The following RBSN variants were observed in gnomAD, a reference collection of about 807,000 sequenced individuals.
RBSN encodes the protein rabenosyn, RAB effector, also known as rabenosyn-5.
A neutral mutation model predicts 60.5 loss-of-function variants in RBSN; 34 were observed. The observed-to-expected ratio is 0.56, with a 90% CI of 0.43 to 0.75. The LOEUF (loss-of-function observed/expected upper bound fraction) is 0.75. Among genes scored for constraint, RBSN ranks in the 30% least tolerant of loss-of-function variants. The probability of loss-of-function intolerance (pLI) is 0.00; values close to 1 mark genes in which losing one functional copy is unlikely to be tolerated. For synonymous variants in RBSN, 322 were observed against 366.9 expected (o/e 0.88, Z 1.40); for missense variants, 845 against 986.8 (o/e 0.86, Z 1.92).
Position 15,077,264 on chromosome 3 carries a change from A to T in RBSN, c.999-100T>A, listed in dbSNP as rs564783830. On this transcript the variant is annotated intron_variant, in intron 11 of 13. Transcript: ENST00000253699. The surrounding 1 kb of genome is among the most constrained non-coding windows in gnomAD (Gnocchi z 4.4). The stretch of plus-strand genomic sequence containing the variant: ...GAGTTGCCAGGCTTTCATGCCAGGA[A>T]GGTGTGTAAAGATGGACAAGTGACT... The T allele has an allele frequency of 1.3e-4, 132 of 998,114 alleles. No individual in the cohort carries two copies. The highest frequency in any genetic ancestry group is 6.3e-4 in the Middle Eastern group (3 of 4,756). The allele number at this position is 998,114 out of a possible 1,614,324, so 61.8% of individuals were successfully genotyped here.
rs1012715350 is a variant in RBSN at position 15,071,449 on chromosome 3, G to A, written c.*2333C>T. 1 of 152,180 alleles carries A rather than the reference G, an allele frequency of 6.6e-6. No individual in the cohort carries two copies. The highest frequency in any genetic ancestry group is 1.5e-5 in the Non-Finnish European group (1 of 68,034). The allele number at this position is 152,180 out of a possible 1,614,324, so 9.4% of individuals were successfully genotyped here. ...GTCATGGGCCTCAGGGAAGAAAAGA[G>A]GCCTGTACCAGGCAACATCTTAGAT... On this transcript the variant is annotated 3_prime_UTR_variant, in exon 14 of 14. Transcript: ENST00000253699.
chr3:15,078,125 A>G lies in RBSN; in HGVS notation c.948T>C (p.Ser316=), dbSNP rs2043099768. ...CTTTCTGCACTTCCACTCGAAGGTC[A>G]CTGGCATGTTCCAGACTGTAGGTTG... ...GETTYSLEHA[S]DLRVEVQKVY... Residue 316 remains serine, a synonymous_variant, in exon 11 of 14, where the codon AGT becomes AGC. Coordinates refer to ENST00000253699, the MANE Select transcript of RBSN (RefSeq NM_022340.4). 1 of 1,614,184 alleles carries G rather than the reference A, an allele frequency of 6.2e-7. No homozygotes were observed. The highest frequency in any genetic ancestry group is 1.7e-5 in the Admixed American group (1 of 60,030).
At position 15,074,966 on chromosome 3, in the gene RBSN, A is replaced by G. The variant is rs2043017996; in HGVS notation, c.1207-36T>C. 7.0e-6 allele frequency: 11 copies of G among 1,566,514 alleles called. No individual in the cohort carries two copies. Among genetic ancestry groups the G allele is most frequent in the Middle Eastern group, 1.7e-4 (1 of 5,850 alleles). On this transcript the variant is annotated intron_variant, in intron 13 of 13. Transcript: ENST00000253699. This position sits in a 1 kb window ranked among gnomAD's most constrained non-coding sequence, Gnocchi z 6.4. ...AGCAAAGCAGAGAGAAGAAACAGTC[A>G]CTATGCTGGCAGCAGCCCACACTGT...
chr3:15,089,472 A>C (rs1171271027), intron 5 of RBSN, among the ~76,000 whole-genome samples: 11 of 110,216 alleles, frequency 1.0e-4, no homozygotes, highest in African/African-American at 3.6e-4. Context: ...AAAAAAAAAA[A>C]AAAAACAAAA....
At chr3:15,075,137 A>G (rs1161237262) in intron 13 of RBSN, 1 of 633,726 alleles carries the variant, frequency 1.6e-6, no homozygotes, top group Non-Finnish European at 2.7e-6. Context: ...AAAATAAAAT[A>G]TAATGAATAA....
chr3:15,080,701 T>C, intron 10 of RBSN, 31 bp downstream of exon 10: 1 of 1,606,386 alleles, frequency 6.2e-7, no homozygotes, highest in Non-Finnish European at 8.5e-7. Flanking sequence ...CAGTCACCAC[T>C]GGATTAGAAA....
chr3:15,074,834 C>T lies in RBSN; in HGVS notation c.1303G>A (p.Ala435Thr). 1 of 1,614,196 alleles carries T rather than the reference C, an allele frequency of 6.2e-7. No individual in the cohort carries two copies. Among genetic ancestry groups the T allele is most frequent in the East Asian group, 2.2e-5 (1 of 44,878 alleles). Residue 435 changes from alanine to threonine, a missense_variant, in exon 14 of 14, where the codon GCC becomes ACC. Ala to Thr is a moderately conservative substitution (Grantham distance 58). Coordinates refer to ENST00000253699, the MANE Select transcript of RBSN (RefSeq NM_022340.4). This position sits in a 1 kb window ranked among gnomAD's most constrained non-coding sequence, Gnocchi z 6.4. ...CAGCCCTCAGCCTTTCTCAAGGGGG[C>T]AGGGCCCCTGCGGAGAGATGCCACC... is the stretch of plus-strand genomic sequence containing the variant. Reference protein sequence around the residue: ...GEVASLRRGPAPLRKAEGWLP... With the variant: ...GEVASLRRGPTPLRKAEGWLP...
At chr3:15,075,315 A>C in intron 13 of RBSN, 1 of 627,694 alleles carries the variant, frequency 1.6e-6, no homozygotes, top group Non-Finnish European at 2.9e-6. Context: ...GGAACTTCCT[A>C]ATGTCTTGGT....
In RBSN at chr3:15,082,308, A is replaced by C. The variant is rs1678166271; in HGVS notation, c.840+59T>G. On this transcript the variant is annotated intron_variant, in intron 9 of 13. Transcript: ENST00000253699. This position sits in a 1 kb window ranked among gnomAD's most constrained non-coding sequence, Gnocchi z 4.2. ...TTCTCCAGAATCTGCAGGAGTGTACATAACAAACAGCCAAATCTGCCTAAG... is the reference window on the plus strand; with the variant it reads ...TTCTCCAGAATCTGCAGGAGTGTACCTAACAAACAGCCAAATCTGCCTAAG... 6.3e-7 allele frequency: 1 copy of C among 1,586,528 alleles called. No homozygotes were observed. Among genetic ancestry groups the C allele is most frequent in the African/African-American group, 1.3e-5 (1 of 74,706 alleles).
rs2042957922 is a variant in RBSN at position 15,073,119 on chromosome 3, G to A, written c.*663C>T. The A allele has an allele frequency of 6.6e-6, 1 of 152,238 alleles. No individual in the cohort carries two copies. Among genetic ancestry groups the A allele is most frequent in the African/African-American group, 2.4e-5 (1 of 41,422 alleles). 9.4% of individuals were successfully genotyped at this position (152,238 alleles called of 1,614,324 possible). A position where few individuals can be genotyped will look rare whatever the true frequency, so the allele number is the denominator to read the frequency against. On this transcript the variant is annotated 3_prime_UTR_variant, in exon 14 of 14. Transcript: ENST00000253699. ...AAAAAGAACTTAAACTGAGAAAATAGACCCTGGTGAAATATTCCCATCACC... is the reference window on the plus strand; with the variant it reads ...AAAAAGAACTTAAACTGAGAAAATAAACCCTGGTGAAATATTCCCATCACC...
intron 4 of RBSN, among the ~76,000 whole-genome samples, chr3:15,092,289 G>C (rs564792547): frequency 6.6e-5 from 10 of 151,730 alleles, no homozygotes; most frequent in Non-Finnish European, 1.5e-4. Flanking sequence ...AGACGGTCAA[G>C]CCAATAAGCA....
At chr3:15,080,702 G>A (rs2043181697) in intron 10 of RBSN, 30 bp downstream of exon 10, 2 of 1,605,512 alleles carry the variant, frequency 1.2e-6, no homozygotes, top group Non-Finnish European at 8.5e-7. Flanking sequence ...AGTCACCACT[G>A]GATTAGAAAA....
chr3:15,095,662 C>A, intron 4 of RBSN: 1 of 499,334 alleles, frequency 2.0e-6, no homozygotes, highest in African/African-American at 2.0e-5. Flanking sequence ...AAAGAACAGT[C>A]AAGCCAGATC....
chr3:15,090,091 T>G (rs1291829810), intron 5 of RBSN, among the ~76,000 whole-genome samples: 3 of 152,194 alleles, frequency 2.0e-5, no homozygotes, highest in African/African-American at 4.8e-5. Flanking sequence ...TGGGCTGACG[T>G]CAGAGAGATA....
rs748844579 is a variant in RBSN, at chr3:15,074,965, C to G, written c.1207-35G>C. The G allele has an allele frequency of 1.3e-6, 2 of 1,568,370 alleles. No individual in the cohort carries two copies. Among genetic ancestry groups the G allele is most frequent in the Non-Finnish European group, 1.7e-6 (2 of 1,160,960 alleles). On this transcript the variant is annotated intron_variant, in intron 13 of 13. Coordinates refer to ENST00000253699, the MANE Select transcript of RBSN (RefSeq NM_022340.4). The surrounding 1 kb of genome is among the most constrained non-coding windows in gnomAD (Gnocchi z 6.4). ...GAGCAAAGCAGAGAGAAGAAACAGT[C>G]ACTATGCTGGCAGCAGCCCACACTG...
chr3:15,089,473 A>C lies in RBSN; in HGVS notation c.289+926T>G, dbSNP rs1333048611. Among the ~76,000 whole-genome samples, 216 of 96,388 alleles carry C rather than the reference A, an allele frequency of 2.2e-3. 5 individuals carry two copies. The South Asian group carries it at 0.046, about 21-fold the overall frequency. The allele number at this position is 96,388 out of a possible 152,430, so 63.2% of individuals were successfully genotyped here. A position where few individuals can be genotyped will look rare whatever the true frequency, so the allele number is the denominator to read the frequency against. ...TCCATCTCCAAAAAAAAAAAAAAAAAAAAACAAAAAAAAAAAACAGATATG... is the reference window on the plus strand; with the variant it reads ...TCCATCTCCAAAAAAAAAAAAAAAACAAAACAAAAAAAAAAAACAGATATG... On this transcript the variant is annotated intron_variant, in intron 5 of 13. Transcript: ENST00000253699.
chr3:15,087,675 G>A (rs912168033), intron 5 of RBSN, among the ~76,000 whole-genome samples: 2 of 152,124 alleles, frequency 1.3e-5, no homozygotes, highest in South Asian at 2.1e-4. Flanking sequence ...CTGGAATGCA[G>A]TGGCGAAATC....
rs1191723269 is a variant in RBSN, at chr3:15,071,823, G to C, written c.*1959C>G. The stretch of plus-strand genomic sequence containing the variant: ...CCAGTGAAAGTATGGCCTAGAGCTA[G>C]TTACACGGCATAAAGTGACTAGTGG... On this transcript the variant is annotated 3_prime_UTR_variant, in exon 14 of 14. Coordinates refer to ENST00000253699, the MANE Select transcript of RBSN (RefSeq NM_022340.4). The C allele has an allele frequency of 6.6e-6, 1 of 152,660 alleles. No homozygotes were observed. The highest frequency in any genetic ancestry group is 1.5e-5 in the Non-Finnish European group (1 of 68,048). 9.5% of individuals were successfully genotyped at this position (152,660 alleles called of 1,614,324 possible).
chr3:15,082,494 C>G lies in RBSN; in HGVS notation c.713G>C (p.Ser238Thr). Residue 238 changes from serine to threonine, a missense_variant, in exon 9 of 14, where the codon AGC (serine) becomes ACC (threonine). Transcript: ENST00000253699. This position sits in a 1 kb window ranked among gnomAD's most constrained non-coding sequence, Gnocchi z 4.2. ...ATCGTCCTTCTCATCCAGGACCGAG[C>G]TGACACTGCTCATGCTGCTGATGCT... is the stretch of plus-strand genomic sequence containing the variant. ...RGSISSMSSV[S>T]SVLDEKDDDR... is the part of the protein sequence containing the mutation. 1 of 1,614,188 alleles carries G rather than the reference C, an allele frequency of 6.2e-7. No individual in the cohort carries two copies. Among genetic ancestry groups the G allele is most frequent in the Non-Finnish European group, 8.5e-7 (1 of 1,180,024 alleles).
Sources: gnomAD v4.1 joint callset for allele counts (sites outside exome capture counted in the v4.1 genomes callset) on GRCh38, gnomAD v4.1.1 for gene constraint, Gnocchi (gnomAD v3.1) non-coding constraint, MANE v1.5 for transcripts, NCBI Gene and HGNC (gene_info 2026-07-23, HGNC 2026-07-21) for gene names.